Variants in SGCZ observed in about 807,000 individuals in gnomAD.
The protein encoded by SGCZ is sarcoglycan zeta.
SGCZ carries 40 observed loss-of-function variants against 41.3 expected under a neutral mutation model. The observed-to-expected ratio is 0.97, with a 90% CI of 0.75 to 1.26. SGCZ has a LOEUF of 1.26. Among genes scored for constraint, SGCZ ranks in the 50% most tolerant of loss-of-function variants. The pLI, the probability that SGCZ is intolerant of heterozygous loss-of-function variation, is 0.00. For missense variants in SGCZ, 552 were observed against 369.8 expected, an observed-to-expected ratio of 1.49 and a Z score of -4.04; for synonymous variants, 206 against 137.5, an observed-to-expected ratio of 1.50 and a Z score of -3.49.
intron 4 of SGCZ, among the ~76,000 whole-genome samples, chr8:14,168,537 A>C (rs563719241): frequency 6.7e-4 from 102 of 152,174 alleles, no homozygotes; most frequent in African/African-American, 2.3e-3. Flanking sequence ...TTCCCTGCAC[A>C]AGCTCTTATC....
intron 2 of SGCZ, among the ~76,000 whole-genome samples, chr8:14,345,553 T>A (rs550274640): frequency 6.6e-6 from 1 of 152,126 alleles, no homozygotes; most frequent in African/African-American, 2.4e-5. Context: ...CGAAGAGAGG[T>A]CTCCCTAATC....
chr8:14,725,771 C>A (rs1039494185), intron 1 of SGCZ, among the ~76,000 whole-genome samples: 15 of 152,000 alleles, frequency 9.9e-5, no homozygotes, highest in Non-Finnish European at 1.5e-5. Context: ...TCACAGAACA[C>A]CCCATGTACT....
intron 2 of SGCZ, among the ~76,000 whole-genome samples, chr8:14,381,127 T>C (rs1207764286): frequency 3.9e-5 from 6 of 152,202 alleles, no homozygotes; most frequent in African/African-American, 1.2e-4. Flanking sequence ...TTGATAAAAT[T>C]TGAACCAGCC....
chr8:14,558,574 TAGAGAGAGAGAGAGAG>T (rs146179658), intron 1 of SGCZ, among the ~76,000 whole-genome samples: 146 of 99,812 alleles, frequency 1.5e-3, no homozygotes, highest in Non-Finnish European at 1.5e-3. Flanking sequence ...GAATGACTCT[TAGAGAGAGAGAGAGAG>T]AGAGAGAGAG....
chr8:14,550,676 G>A (rs1259884732), intron 2 of SGCZ, among the ~76,000 whole-genome samples: 2 of 151,804 alleles, frequency 1.3e-5, no homozygotes, highest in East Asian at 1.9e-4. Flanking sequence ...TGCTTATGAG[G>A]TCTTAACCAG....
At chr8:14,803,296 C>A (rs1020563320) in intron 1 of SGCZ, among the ~76,000 whole-genome samples, 4 of 152,150 alleles carry the variant, frequency 2.6e-5, no homozygotes, top group Admixed American at 2.6e-4. Flanking sequence ...CGGGTGATTT[C>A]TGCATTTCCA....
chr8:14,256,961 T>G (rs1799486619), intron 3 of SGCZ, among the ~76,000 whole-genome samples: 1 of 152,188 alleles, frequency 6.6e-6, no homozygotes, highest in African/African-American at 2.4e-5. Flanking sequence ...TTAATCTTCT[T>G]CAAAATCACT....
intron 2 of SGCZ, among the ~76,000 whole-genome samples, chr8:14,461,724 T>A (rs1800907240): frequency 6.6e-6 from 1 of 152,090 alleles, no homozygotes; most frequent in Admixed American, 6.6e-5. Flanking sequence ...CCTACAAAAA[T>A]AACTTACATG....
At chr8:14,564,117 AAGAT>A (rs1217981569) in intron 1 of SGCZ, among the ~76,000 whole-genome samples, 1 of 152,064 alleles carries the variant, frequency 6.6e-6, no homozygotes, top group Non-Finnish European at 1.5e-5. Flanking sequence ...CCTGGATAGC[AAGAT>A]AGATAATTTG....
intron 1 of SGCZ, among the ~76,000 whole-genome samples, chr8:14,866,521 A>C (rs1296133795): frequency 6.6e-6 from 1 of 152,102 alleles, no homozygotes; most frequent in Non-Finnish European, 1.5e-5. Context: ...CATATATATG[A>C]GACTTGGGCT....
At chr8:15,144,430 G>A (rs895031881) in intron 1 of SGCZ, among the ~76,000 whole-genome samples, 1 of 150,290 alleles carries the variant, frequency 6.7e-6, no homozygotes, top group African/African-American at 2.4e-5. Context: ...AGGCTCAGAA[G>A]TAGTTCTATA....
chr8:14,601,601 G>C (rs1014857087), intron 1 of SGCZ, among the ~76,000 whole-genome samples: 1 of 152,164 alleles, frequency 6.6e-6, no homozygotes, highest in Admixed American at 6.5e-5. Flanking sequence ...CAAGTTGGTA[G>C]TTGGTATTTG....
intron 5 of SGCZ, among the ~76,000 whole-genome samples, chr8:14,132,527 ACTTT>A (rs1336564927): frequency 1.3e-5 from 2 of 152,170 alleles, no homozygotes; most frequent in African/African-American, 4.8e-5. Context: ...TTTGTTTTAT[ACTTT>A]CTATTTAACA....
At chr8:14,492,776 T>C (rs1801878518) in intron 2 of SGCZ, among the ~76,000 whole-genome samples, 1 of 152,120 alleles carries the variant, frequency 6.6e-6, no homozygotes, top group Non-Finnish European at 1.5e-5. Context: ...GGACGTCTCT[T>C]CACTAAAAGT....
intron 1 of SGCZ, among the ~76,000 whole-genome samples, chr8:14,942,814 A>G (rs892726968): frequency 2.6e-5 from 4 of 152,070 alleles, no homozygotes; most frequent in African/African-American, 9.7e-5. Flanking sequence ...TTGATTAGGC[A>G]TTTATCTTAC....
rs549644237 is a variant in SGCZ at position 14,093,546 on chromosome 8, C to G, written c.745-2909G>C. 7.9e-5 allele frequency among the ~76,000 whole-genome samples: 12 copies of G among 152,112 alleles called. No individual in the cohort carries two copies. In the South Asian group the frequency reaches 2.1e-3, roughly 26 times the overall value. On this transcript the variant is annotated intron_variant, in intron 7 of 7. Transcript: ENST00000382080. ...GGCCTCATAGTATTTTTACTATTTC[C>G]TCAAACCGAAATACTTTTCTCCAGA...
chr8:14,464,454 C>T (rs944303320), intron 2 of SGCZ, among the ~76,000 whole-genome samples: 1 of 149,504 alleles, frequency 6.7e-6, no homozygotes. Flanking sequence ...ACTGTCTCCA[C>T]CCTCAATTCT....
intron 1 of SGCZ, among the ~76,000 whole-genome samples, chr8:14,876,538 T>G (rs1681456908): frequency 6.6e-6 from 1 of 152,148 alleles, no homozygotes; most frequent in South Asian, 2.1e-4. Context: ...GTGACTATAC[T>G]AAAAACAACT....
At chr8:14,256,959 C>T (rs946545905) in intron 3 of SGCZ, among the ~76,000 whole-genome samples, 3 of 152,122 alleles carry the variant, frequency 2.0e-5, no homozygotes, top group African/African-American at 2.4e-5. Context: ...TGTTAATCTT[C>T]TTCAAAATCA....
Sources: allele counts gnomAD v4.1 joint callset (sites outside exome capture counted in the v4.1 genomes callset), GRCh38; gene constraint gnomAD v4.1.1; transcripts MANE v1.5; gene names NCBI Gene and HGNC (gene_info 2026-07-23, HGNC 2026-07-21).